The following LIPA variants were observed in gnomAD, a reference collection of about 807,000 sequenced individuals.
LIPA encodes the protein lysosomal acid lipase/cholesteryl ester hydrolase.
Under a neutral mutation model 40.6 loss-of-function variants are expected in LIPA, and 26 were observed. That is an observed-to-expected ratio of 0.64 (90% CI 0.47 to 0.89). LIPA has a LOEUF of 0.89. LIPA is among the 40% of genes least tolerant of loss of function. The pLI is 0.00. For synonymous variants in LIPA, 188 were observed against 168.4 expected, an observed-to-expected ratio of 1.12 and a Z score of -0.90; for missense variants, 455 against 479.6, an observed-to-expected ratio of 0.95 and a Z score of 0.48.
chr10:89,281,575 T>C (rs568819525), intron 1 of LIPA, among the ~76,000 whole-genome samples: 1 of 152,336 alleles, frequency 6.6e-6, no homozygotes, highest in Admixed American at 6.5e-5. Context: ...AAGGCTCCAA[T>C]AGATCAAGTA....
rs112130053 is a variant in LIPA, at chr10:89,257,361, GGT to G, written c.-1-9714_-1-9713del. Among the ~76,000 whole-genome samples, 1,435 of 151,126 alleles carry G rather than the reference GGT, an allele frequency of 9.5e-3. 11 individuals carry two copies. The highest frequency in any genetic ancestry group is 0.075 in the Middle Eastern group (22 of 292). ...TTTATAGAAAACAGGAGGTAGTAGTGGTGTGTGTGTGTGTGTGCATATATGAA... is the reference window on the plus strand; with the variant it reads ...TTTATAGAAAACAGGAGGTAGTAGTGGTGTGTGTGTGTGTGCATATATGAA... On this transcript the variant is annotated intron_variant, in intron 1 of 5. Coordinates refer to the LIPA transcript ENST00000282673.
rs1843666069 is a variant in LIPA, at chr10:89,332,586, G to T, written c.-2+10025C>A. ...GTAAGCTAAAAACAAAATCAACCGG[G>T]ACCCCAGCTTTTCAGAACTGCAGGG... On this transcript the variant is annotated intron_variant, in intron 1 of 5. Coordinates refer to the LIPA transcript ENST00000282673. 3.1e-6 allele frequency: 5 copies of T among 1,613,976 alleles called. No individual in the cohort carries two copies. In the Middle Eastern group the frequency reaches 8.3e-4, roughly 266 times the overall value.
chr10:89,337,596 C>T (rs959054364), intron 1 of LIPA, among the ~76,000 whole-genome samples: 18 of 152,110 alleles, frequency 1.2e-4, no homozygotes, highest in African/African-American at 3.1e-4. Flanking sequence ...GGCAGGCTTT[C>T]GCCATGTTGC....
upstream of LIPA, among the ~76,000 whole-genome samples, chr10:89,346,016 C>T (rs11203083): frequency 0.015 from 2,339 of 152,178 alleles, 29 homozygotes; most frequent in African/African-American, 0.035. Flanking sequence ...GCCTTTGAGG[C>T]AGAAAGATTT....
At chr10:89,352,421 T>G (rs1843964135) in intron 2 of LIPA, among the ~76,000 whole-genome samples, 1 of 152,230 alleles carries the variant, frequency 6.6e-6, no homozygotes, top group African/African-American at 2.4e-5. Flanking sequence ...CAATTGCACA[T>G]GTGCATATTT....
At chr10:89,276,001 A>G (rs1843287306) in intron 1 of LIPA, among the ~76,000 whole-genome samples, 1 of 152,190 alleles carries the variant, frequency 6.6e-6, no homozygotes, top group Non-Finnish European at 1.5e-5. Flanking sequence ...AGCTCAGTTC[A>G]CAGTACAACC....
At chr10:89,290,091 AAGAT>A (rs1754625986) in intron 1 of LIPA, among the ~76,000 whole-genome samples, 1 of 152,200 alleles carries the variant, frequency 6.6e-6, no homozygotes, top group Non-Finnish European at 1.5e-5. Context: ...AAAAAACTCA[AAGAT>A]AGAGCCTAAA....
intron 1 of LIPA, among the ~76,000 whole-genome samples, chr10:89,413,779 AAAAC>A (rs1564815953): frequency 1.3e-5 from 2 of 148,836 alleles, no homozygotes. Flanking sequence ...AAAAAAAAAA[AAAAC>A]CAAAATCAAT....
intron 2 of LIPA, among the ~76,000 whole-genome samples, chr10:89,353,469 G>A (rs1253843763): frequency 6.6e-6 from 1 of 152,184 alleles, no homozygotes; most frequent in East Asian, 1.9e-4. Context: ...AAACAGGGGA[G>A]AAATAACGAA....
chr10:89,342,517 C>G (rs1444599359), intron 1 of LIPA: 2 of 152,188 alleles, frequency 1.3e-5, no homozygotes, highest in Admixed American at 6.5e-5. Flanking sequence ...TGGGTTAAAG[C>G]AAGCAAAGCT....
chr10:89,311,353 T>C lies in LIPA; in HGVS notation c.-2+31258A>G, dbSNP rs538197926. Among the ~76,000 whole-genome samples, 7 of 151,794 alleles carry C rather than the reference T, an allele frequency of 4.6e-5. No individual in the cohort carries two copies. The East Asian group carries it at 9.7e-4, about 21-fold the overall frequency. Reference sequence around the variant, plus strand: ...GCCTGATCAATATGGTGAAACCCCATCTCTACCAAAAAAAATACAAAAAAA... The same window carrying C: ...GCCTGATCAATATGGTGAAACCCCACCTCTACCAAAAAAAATACAAAAAAA... On this transcript the variant is annotated intron_variant, in intron 1 of 5. Transcript: ENST00000282673.
intron 1 of LIPA, among the ~76,000 whole-genome samples, chr10:89,301,088 T>TC (rs1402126781): frequency 6.6e-6 from 1 of 152,218 alleles, no homozygotes; most frequent in Non-Finnish European, 1.5e-5. Context: ...CATTTCATCC[T>TC]CCCAACACCA....
chr10:89,245,829 A>G (rs1364777038), intron 2 of LIPA, 36 bp from the exon 3 acceptor site: 1 of 1,024,264 alleles, frequency 9.8e-7, no homozygotes. Context: ...TTGGGTGGAC[A>G]GAATCTGAAA....
At chr10:89,240,827 G>C (rs1457054117) in intron 3 of LIPA, among the ~76,000 whole-genome samples, 1 of 152,152 alleles carries the variant, frequency 6.6e-6, no homozygotes, top group Non-Finnish European at 1.5e-5. Flanking sequence ...CCCTTGAGCA[G>C]GGGACACTAT....
intron 2 of LIPA, among the ~76,000 whole-genome samples, chr10:89,410,707 G>C (rs1367366105): frequency 1.3e-5 from 2 of 152,228 alleles, no homozygotes; most frequent in African/African-American, 4.8e-5. Flanking sequence ...TGGAAAGAAA[G>C]GGAGTTCCTA....
chr10:89,247,456 A>G (rs1429203851), intron 2 of LIPA, 82 bp downstream of exon 2: 1 of 710,074 alleles, frequency 1.4e-6, no homozygotes, highest in African/African-American at 1.8e-5. Context: ...AGATGAATGT[A>G]TGGGTATGGC....
At position 89,215,074 on chromosome 10, in the gene LIPA, G is replaced by T. The variant is rs762226885; in HGVS notation, c.967-13C>A. ...TGGGAGGATAACTCTACAATGAAAAGGAACCAGAGAAAGCCTCGTTGTTGT... is the reference window on the plus strand; with the variant it reads ...TGGGAGGATAACTCTACAATGAAAATGAACCAGAGAAAGCCTCGTTGTTGT... On this transcript the variant is annotated splice_polypyrimidine_tract_variant and intron_variant, in intron 9 of 9. Transcript: ENST00000336233. The T allele has an allele frequency of 3.2e-5, 51 of 1,571,406 alleles. No homozygotes were observed. In the East Asian group the frequency reaches 1.1e-3, roughly 35 times the overall value.
chr10:89,306,966 G>T (rs750351586), intron 1 of LIPA: 1 of 1,614,034 alleles, frequency 6.2e-7, no homozygotes, highest in African/African-American at 1.3e-5. Flanking sequence ...TTCCGTGTCT[G>T]TTCCATTCTT....
At chr10:89,332,435 T>A (rs1039242827) in intron 1 of LIPA, 1 of 1,397,464 alleles carries the variant, frequency 7.2e-7, no homozygotes, top group African/African-American at 1.5e-5. Context: ...ACAGATTCTG[T>A]TTCAGTTTCC....
Sources: allele counts gnomAD v4.1 joint callset (sites outside exome capture counted in the v4.1 genomes callset), GRCh38; gene constraint gnomAD v4.1.1; transcripts MANE v1.5; gene names NCBI Gene and HGNC (gene_info 2026-07-23, HGNC 2026-07-21).